Variants in TRPV5 observed in about 807,000 individuals in gnomAD.
TRPV5 encodes the protein transient receptor potential cation channel subfamily V member 5, also known as calcium transport protein 2.
In TRPV5, 66 loss-of-function variants were observed where a neutral mutation model predicts 74.1. The ratio of observed to expected loss-of-function variants is 0.89; its 90% CI spans 0.73 to 1.09. TRPV5 has a LOEUF of 1.09. Ranked by LOEUF, TRPV5 falls within the 50% of genes least tolerant of loss-of-function variation. The pLI is 0.00. For missense variants in TRPV5, 936 were observed against 930.4 expected (o/e 1.01, Z -0.08); for synonymous variants, 399 against 360.7 (o/e 1.11, Z -1.20).
At chr7:142,919,377 G>A (rs4252467) in intron 8 of TRPV5, among the ~76,000 whole-genome samples, 3,212 of 152,300 alleles carry the variant, frequency 0.021, 116 homozygotes, top group African/African-American at 0.072. Flanking sequence ...GAGACAGCAG[G>A]TGCAAGTTAA....
At chr7:142,920,192 G>A (rs891355517) in intron 8 of TRPV5, among the ~76,000 whole-genome samples, 1 of 152,152 alleles carries the variant, frequency 6.6e-6, no homozygotes, top group Admixed American at 6.5e-5. Flanking sequence ...AGAGAGATCT[G>A]GTTCCCATGT....
chr7:142,929,606 C>T (rs762488743), intron 3 of TRPV5, 41 bp from the exon 4 acceptor site: 2 of 1,602,412 alleles, frequency 1.2e-6, no homozygotes, highest in Non-Finnish European at 8.5e-7. Context: ...CCCTCTGTCC[C>T]CAGTTCTCTC....
chr7:142,910,937 A>G (rs1296212745), intron 13 of TRPV5, among the ~76,000 whole-genome samples: 1 of 151,914 alleles, frequency 6.6e-6, no homozygotes, highest in Admixed American at 6.6e-5. Context: ...ACCATCACCA[A>G]CACCTCCACT....
intron 8 of TRPV5, among the ~76,000 whole-genome samples, chr7:142,916,364 C>T (rs1028853450): frequency 2.0e-5 from 3 of 152,184 alleles, no homozygotes; most frequent in South Asian, 2.1e-4. Flanking sequence ...TGTTACTTCA[C>T]GGTGAAACTT....
intron 1 of TRPV5, among the ~76,000 whole-genome samples, chr7:142,930,860 C>T (rs956946903): frequency 9.2e-5 from 14 of 152,098 alleles, no homozygotes; most frequent in Non-Finnish European, 1.8e-4. Context: ...GGTCCCCCTG[C>T]TCCTGGGCCT....
intron 13 of TRPV5, among the ~76,000 whole-genome samples, chr7:142,910,077 G>A (rs1329059665): frequency 6.6e-6 from 1 of 152,182 alleles, no homozygotes; most frequent in Non-Finnish European, 1.5e-5. Context: ...CTGGTAGCAA[G>A]TCCACCACAC....
At chr7:142,931,017 A>T (rs1284223495) in intron 1 of TRPV5, among the ~76,000 whole-genome samples, 155 of 100,248 alleles carry the variant, frequency 1.5e-3, no homozygotes, top group East Asian at 1.9e-3. Flanking sequence ...CCCTCAGGCT[A>T]TTTTTTTTTT....
chr7:142,914,416 C>T (rs1182248329), intron 12 of TRPV5, among the ~76,000 whole-genome samples: 1 of 152,098 alleles, frequency 6.6e-6, no homozygotes, highest in East Asian at 1.9e-4. Context: ...CTTATTGGCC[C>T]TGAACACATG....
At chr7:142,921,065 A>G (rs1216380932) in intron 8 of TRPV5, among the ~76,000 whole-genome samples, 1 of 152,236 alleles carries the variant, frequency 6.6e-6, no homozygotes, top group African/African-American at 2.4e-5. Flanking sequence ...AGAGTTGGCA[A>G]TCAGTTGCTT....
chr7:142,932,660 G>A (rs558650728), intron 1 of TRPV5, among the ~76,000 whole-genome samples: 14 of 152,314 alleles, frequency 9.2e-5, no homozygotes, highest in African/African-American at 3.1e-4. Flanking sequence ...TGCTCTTCCT[G>A]GGACTGGACC....
intron 8 of TRPV5, among the ~76,000 whole-genome samples, chr7:142,919,555 G>A (rs750810070): frequency 1.6e-4 from 25 of 152,206 alleles, no homozygotes; most frequent in Non-Finnish European, 2.1e-4. Flanking sequence ...AACGCACAGA[G>A]AAGGTACTCC....
intron 12 of TRPV5, among the ~76,000 whole-genome samples, chr7:142,913,078 G>T (rs747401531): frequency 6.6e-5 from 10 of 152,230 alleles, no homozygotes; most frequent in South Asian, 2.1e-4. Context: ...TCACCTAACT[G>T]GTTTTTGCAT....
At chr7:142,917,039 T>C (rs931113205) in intron 8 of TRPV5, among the ~76,000 whole-genome samples, 1 of 151,976 alleles carries the variant, frequency 6.6e-6, no homozygotes, top group Non-Finnish European at 1.5e-5. Context: ...GAGTTTTTGT[T>C]TTGTTTTGTT....
Position 142,912,706 on chromosome 7 carries a change from G to T in TRPV5, c.1564C>A (p.Gln522Lys). The T allele has an allele frequency of 1.2e-6, 2 of 1,614,212 alleles. No individual in the cohort carries two copies. Among genetic ancestry groups the T allele is most frequent in the Non-Finnish European group, 8.5e-7 (1 of 1,180,036 alleles). ...AGTGCCATGGGGTAGTCATAGAATT[G>T]CCCCAGACTGGTTGGGTCCTCTGTC... Reference protein sequence around the residue: ...FQTEDPTSLGQFYDYPMALFT... With the variant: ...FQTEDPTSLGKFYDYPMALFT... Residue 522 changes from glutamine to lysine, a missense_variant, in exon 13 of 15, where the codon CAA becomes AAA. Coordinates refer to ENST00000265310, the MANE Select transcript of TRPV5 (RefSeq NM_019841.7).
intron 12 of TRPV5, 104 bp from the exon 13 acceptor site, chr7:142,912,854 A>ATCTT: frequency 1.1e-6 from 1 of 925,174 alleles, no homozygotes. Context: ...CTATCTATCT[A>ATCTT]TCTATCTATC....
At position 142,929,126 on chromosome 7, in the gene TRPV5, G is replaced by A; in HGVS notation, c.488-6C>T. ...AAAGGACAAAGGGTGCTCCCCTGTG[G>A]ACACAGAGAGATCCATGGCAGGAGA... On this transcript the variant is annotated splice_polypyrimidine_tract_variant and splice_region_variant and intron_variant, in intron 4 of 14. Transcript: ENST00000265310. The A allele has an allele frequency of 4.3e-6, 7 of 1,613,664 alleles. No individual in the cohort carries two copies. Among genetic ancestry groups the A allele is most frequent in the Non-Finnish European group, 5.9e-6 (7 of 1,179,816 alleles).
intron 8 of TRPV5, among the ~76,000 whole-genome samples, chr7:142,923,111 G>T (rs572411172): frequency 6.6e-6 from 1 of 152,262 alleles, no homozygotes; most frequent in Non-Finnish European, 1.5e-5. Context: ...CAGATCCCAA[G>T]AGATCTGCAG....
At position 142,930,184 on chromosome 7, in the gene TRPV5, G is replaced by A. The variant is rs774008432; in HGVS notation, c.227-4C>T. On this transcript the variant is annotated splice_polypyrimidine_tract_variant and splice_region_variant and intron_variant, in intron 2 of 14. Transcript: ENST00000265310. The stretch of plus-strand genomic sequence containing the variant: ...AGCGCCGTCTCCCCCAGGGCTCCTG[G>A]ATTGGAGTAAGACAGAGATGTTAGA... 107 of 1,611,820 alleles carry A rather than the reference G, an allele frequency of 6.6e-5. No homozygotes were observed. Among genetic ancestry groups the A allele is most frequent in the Non-Finnish European group, 8.9e-5 (105 of 1,179,442 alleles).
At chr7:142,917,095 TTG>T (rs1795815612) in intron 8 of TRPV5, among the ~76,000 whole-genome samples, 1 of 151,762 alleles carries the variant, frequency 6.6e-6, no homozygotes, top group African/African-American at 2.4e-5. Context: ...TTTTTTTGTT[TTG>T]TTTTGTTTTG....
Sources: allele counts gnomAD v4.1 joint callset (sites outside exome capture counted in the v4.1 genomes callset), GRCh38; gene constraint gnomAD v4.1.1; transcripts MANE v1.5; gene names NCBI Gene and HGNC (gene_info 2026-07-23, HGNC 2026-07-21).